Variants in FAM168A observed in about 807,000 individuals in gnomAD.
FAM168A encodes family with sequence similarity 168 member A, also known as protein FAM168A.
Under a neutral mutation model 28.5 loss-of-function variants are expected in FAM168A, and 3 were observed. That is an observed-to-expected ratio of 0.11 (90% CI 0.05 to 0.27). FAM168A has a LOEUF of 0.27. Ranked by LOEUF, FAM168A falls within the 10% of genes least tolerant of loss-of-function variation. FAM168A has a pLI of 1.00. For synonymous variants in FAM168A, 122 were observed against 124.2 expected (o/e 0.98, Z 0.12); for missense variants, 222 against 311.5 (o/e 0.71, Z 2.16).
chr11:73,524,048 G>C (rs968718807), intron 1 of FAM168A, among the ~76,000 whole-genome samples: 5 of 152,092 alleles, frequency 3.3e-5, no homozygotes, highest in Admixed American at 6.5e-5. Flanking sequence ...TTAATTGTTA[G>C]TTTTGACTGG....
At chr11:73,461,998 C>G (rs1385293012) in intron 2 of FAM168A, among the ~76,000 whole-genome samples, 5 of 152,010 alleles carry the variant, frequency 3.3e-5, no homozygotes, top group African/African-American at 1.2e-4. Context: ...GAAACTGAAA[C>G]TTTTATAAAC....
At chr11:73,417,458 C>T (rs7952686) in intron 4 of FAM168A, among the ~76,000 whole-genome samples, 46,759 of 151,846 alleles carry the variant, frequency 0.31, 9,655 homozygotes, top group African/African-American at 0.59. Flanking sequence ...TAAGAGAGAA[C>T]ATGTATATCC....
chr11:73,470,099 CA>C (rs1309275828), intron 1 of FAM168A, among the ~76,000 whole-genome samples: 4 of 151,940 alleles, frequency 2.6e-5, no homozygotes, highest in African/African-American at 4.8e-5. Context: ...TTTTAGTAGA[CA>C]GGGGTTTCAC....
At position 73,402,826 on chromosome 11, in the gene FAM168A, T is replaced by C. The variant is rs1866436514; in HGVS notation, c.*3937A>G. 6.6e-6 allele frequency: 1 copy of C among 152,358 alleles called. No homozygotes were observed. Among genetic ancestry groups the C allele is most frequent in the Non-Finnish European group, 1.5e-5 (1 of 68,030 alleles). The allele number at this position is 152,358 out of a possible 1,614,324, so 9.4% of individuals were successfully genotyped here. ...CATCCTCCTTGTGCTGCCAGTTAGA[T>C]GTGCCTCTGGGTCCCTCCCCAGGGC... On this transcript the variant is annotated 3_prime_UTR_variant, in exon 8 of 8. Transcript: ENST00000356467.
intron 1 of FAM168A, among the ~76,000 whole-genome samples, chr11:73,553,929 C>CAGTGAGCCA (rs1308912894): frequency 6.6e-6 from 1 of 152,176 alleles, no homozygotes; most frequent in Non-Finnish European, 1.5e-5. Context: ...GCGGAGGTTG[C>CAGTGAGCCA]AGTGAGCTGA....
rs1456881543 is a variant in FAM168A, at chr11:73,480,397, T to TC, written c.-18-11906_-18-11905insG. 2.7e-4 allele frequency among the ~76,000 whole-genome samples: 37 copies of TC among 138,694 alleles called. 1 individual carries two copies. In the East Asian group the frequency reaches 6.3e-3, roughly 24 times the overall value. 91.0% of individuals were successfully genotyped at this position (138,694 alleles called of 152,430 possible). On this transcript the variant is annotated intron_variant, in intron 1 of 7. Transcript: ENST00000356467. ...ATAATAGAAAATTTCTCTCTCTCTC[T>TC]TTTTTTTTTTAAGAACAAATTTCAG...
At chr11:73,459,040 C>T (rs142148434) in intron 2 of FAM168A, among the ~76,000 whole-genome samples, 9 of 152,250 alleles carry the variant, frequency 5.9e-5, no homozygotes, top group African/African-American at 1.2e-4. Context: ...TTTGTTCTCA[C>T]ATGCTTCAGA....
intron 1 of FAM168A, among the ~76,000 whole-genome samples, chr11:73,571,527 C>CGG (rs1447144517): frequency 1.3e-5 from 2 of 152,130 alleles, no homozygotes; most frequent in East Asian, 3.9e-4. Context: ...GGATTGCAGA[C>CGG]GGAGTCTCGT....
At chr11:73,407,419 T>G (rs1479969571) in intron 7 of FAM168A, 94 bp downstream of exon 7, 12 of 759,496 alleles carry the variant, frequency 1.6e-5, no homozygotes, top group Non-Finnish European at 2.0e-5. Context: ...TTACCTGCCC[T>G]AGCTGACACC....
At chr11:73,505,838 A>G (rs1014029148) in intron 1 of FAM168A, among the ~76,000 whole-genome samples, 3 of 152,224 alleles carry the variant, frequency 2.0e-5, no homozygotes, top group African/African-American at 7.2e-5. Flanking sequence ...AGTTGAATTC[A>G]GGACCACCTG....
At chr11:73,567,837 C>T (rs958845243) in intron 1 of FAM168A, among the ~76,000 whole-genome samples, 1 of 152,060 alleles carries the variant, frequency 6.6e-6, no homozygotes, top group Non-Finnish European at 1.5e-5. Context: ...GGCATCACCC[C>T]CGGACAACAA....
intron 1 of FAM168A, among the ~76,000 whole-genome samples, chr11:73,498,278 G>A (rs1432143828): frequency 6.6e-6 from 1 of 152,152 alleles, no homozygotes; most frequent in Non-Finnish European, 1.5e-5. Context: ...GAAGAGCAGT[G>A]CGGTACAGCA....
At chr11:73,543,854 T>A (rs1227843468) in intron 1 of FAM168A, among the ~76,000 whole-genome samples, 1 of 152,102 alleles carries the variant, frequency 6.6e-6, no homozygotes, top group Admixed American at 6.6e-5. Context: ...AAGAGATACA[T>A]AAAGTGGCTC....
intron 1 of FAM168A, 128 bp from the exon 2 acceptor site, chr11:73,468,620 C>A: frequency 1.4e-6 from 1 of 705,350 alleles, no homozygotes; most frequent in South Asian, 2.0e-5. Context: ...GAAGACTAAA[C>A]AAAAAAGCCA....
chr11:73,467,725 C>G (rs1441066501), intron 2 of FAM168A, among the ~76,000 whole-genome samples: 1 of 152,114 alleles, frequency 6.6e-6, no homozygotes, highest in Non-Finnish European at 1.5e-5. Context: ...GGCAGAGGAA[C>G]TTAAGTTGCT....
rs142712156 is a variant in FAM168A, at chr11:73,536,553, G to A, written c.-19+61370C>T. 5.3e-5 allele frequency among the ~76,000 whole-genome samples: 8 copies of A among 152,218 alleles called. No individual in the cohort carries two copies. In the East Asian group the frequency reaches 1.5e-3, roughly 29 times the overall value. ...AAATACAAAATTAGTTGGGCGTGGTGGTGCATGGCTGTAATCCCAGCTACT... is the reference window on the plus strand; with the variant it reads ...AAATACAAAATTAGTTGGGCGTGGTAGTGCATGGCTGTAATCCCAGCTACT... On this transcript the variant is annotated intron_variant, in intron 1 of 7. Coordinates refer to ENST00000356467, the MANE Select transcript of FAM168A (RefSeq NM_015159.3).
intron 1 of FAM168A, among the ~76,000 whole-genome samples, chr11:73,488,806 G>A (rs1033031993): frequency 6.6e-6 from 1 of 152,120 alleles, no homozygotes; most frequent in Non-Finnish European, 1.5e-5. Flanking sequence ...TTAACATACT[G>A]TTACTTGTCT....
intron 3 of FAM168A, chr11:73,430,482 C>T: frequency 1.9e-6 from 1 of 528,800 alleles, no homozygotes; most frequent in Admixed American, 3.1e-5. Context: ...ACCTTAAGTC[C>T]CAGACAGAGT....
intron 1 of FAM168A, among the ~76,000 whole-genome samples, chr11:73,590,497 A>G (rs1419360010): frequency 6.7e-6 from 1 of 148,388 alleles, no homozygotes; most frequent in East Asian, 1.9e-4. Context: ...AGTCTCACAA[A>G]TATATTATAT....
Sources: gnomAD v4.1 joint callset for allele counts (sites outside exome capture counted in the v4.1 genomes callset) on GRCh38, gnomAD v4.1.1 for gene constraint, MANE v1.5 for transcripts, NCBI Gene and HGNC (gene_info 2026-07-23, HGNC 2026-07-21) for gene names.